Variants in PTPRK observed in about 807,000 individuals in gnomAD.
PTPRK encodes receptor-type tyrosine-protein phosphatase kappa.
A neutral mutation model predicts 178.0 loss-of-function variants in PTPRK; 75 were observed. The ratio of observed to expected loss-of-function variants is 0.42; its 90% confidence interval spans 0.35 to 0.51. The LOEUF (loss-of-function observed/expected upper bound fraction) is 0.51. PTPRK is among the 20% of genes least tolerant of loss of function. PTPRK has a pLI of 0.02. For missense variants in PTPRK, 1,441 were observed against 1,797.8 expected (o/e 0.80, Z 3.59); for synonymous variants, 637 against 620.6 (o/e 1.03, Z -0.39).
At chr6:128,194,081 ATTATT>A (rs895508231) in intron 6 of PTPRK, among the ~76,000 whole-genome samples, 4 of 146,426 alleles carry the variant, frequency 2.7e-5, no homozygotes, top group Admixed American at 6.8e-5. Context: ...TATTATTATT[ATTATT>A]ATTATTATTA....
chr6:128,150,400 A>C (rs1412899802), intron 7 of PTPRK, among the ~76,000 whole-genome samples: 1 of 152,142 alleles, frequency 6.6e-6, no homozygotes, highest in East Asian at 1.9e-4. Flanking sequence ...TATGAAACAA[A>C]CAAGTAAAAC....
At chr6:128,272,591 A>T (rs137897474) in intron 3 of PTPRK, among the ~76,000 whole-genome samples, 1 of 152,352 alleles carries the variant, frequency 6.6e-6, no homozygotes, top group East Asian at 1.9e-4. Context: ...TTATGCAGCC[A>T]ACAGACACGT....
chr6:128,263,100 G>A (rs913770935), intron 3 of PTPRK, among the ~76,000 whole-genome samples: 11 of 152,052 alleles, frequency 7.2e-5, no homozygotes, highest in Admixed American at 5.9e-4. Context: ...CCACAGGAAC[G>A]CTCCCTGGGC....
intron 5 of PTPRK, chr6:128,235,683 G>A: frequency 2.4e-6 from 1 of 419,800 alleles, no homozygotes; most frequent in South Asian, 1.7e-5. Context: ...ATGAAATCTT[G>A]TGCCATCCCT....
intron 7 of PTPRK, among the ~76,000 whole-genome samples, chr6:128,095,039 C>T (rs1199371633): frequency 1.3e-5 from 2 of 151,408 alleles, no homozygotes; most frequent in Non-Finnish European, 2.9e-5. Context: ...CAAATTCATT[C>T]ACAAGAGAGG....
At chr6:128,122,460 T>G (rs1216156433) in intron 7 of PTPRK, among the ~76,000 whole-genome samples, 1 of 152,178 alleles carries the variant, frequency 6.6e-6, no homozygotes, top group Non-Finnish European at 1.5e-5. Context: ...CAAAAGAGAC[T>G]GATAAAACTT....
At chr6:128,496,987 T>G (rs58050191) in intron 1 of PTPRK, among the ~76,000 whole-genome samples, 10,611 of 152,050 alleles carry the variant, frequency 0.07, 744 homozygotes, top group African/African-American at 0.18. Context: ...CAAACATGAG[T>G]TTACTTATAA....
At chr6:128,411,428 C>G (rs1339952610) in intron 1 of PTPRK, among the ~76,000 whole-genome samples, 1 of 152,094 alleles carries the variant, frequency 6.6e-6, no homozygotes, top group Non-Finnish European at 1.5e-5. Context: ...ACATCTTTTC[C>G]CAGAGAGAAA....
At chr6:127,980,004 T>C (rs1210166247) in intron 25 of PTPRK, among the ~76,000 whole-genome samples, 2 of 151,922 alleles carry the variant, frequency 1.3e-5, no homozygotes, top group Non-Finnish European at 2.9e-5. Flanking sequence ...TGGTGAAATC[T>C]CATCTCTACT....
chr6:128,279,506 G>T (rs1371367986), intron 3 of PTPRK, among the ~76,000 whole-genome samples: 1 of 152,144 alleles, frequency 6.6e-6, no homozygotes, highest in Non-Finnish European at 1.5e-5. Flanking sequence ...TGTTATGGCA[G>T]CAGCTACTTC....
chr6:128,274,859 C>A (rs892718590), intron 3 of PTPRK, among the ~76,000 whole-genome samples: 1 of 151,740 alleles, frequency 6.6e-6, no homozygotes, highest in Non-Finnish European at 1.5e-5. Flanking sequence ...CCTCAGCTAA[C>A]CAAAAAAACA....
chr6:128,422,289 C>A (rs535263411), intron 1 of PTPRK, among the ~76,000 whole-genome samples: 4 of 152,166 alleles, frequency 2.6e-5, no homozygotes, highest in African/African-American at 9.6e-5. Context: ...CACCTTCTCC[C>A]AACAAATATA....
At chr6:128,201,848 A>G (rs1307507507) in intron 6 of PTPRK, among the ~76,000 whole-genome samples, 1 of 152,178 alleles carries the variant, frequency 6.6e-6, no homozygotes, top group Non-Finnish European at 1.5e-5. Flanking sequence ...TTCTAGAGAC[A>G]AGATAATGAC....
chr6:128,092,639 C>G (rs890724494), intron 7 of PTPRK, among the ~76,000 whole-genome samples: 3 of 152,134 alleles, frequency 2.0e-5, no homozygotes, highest in African/African-American at 7.2e-5. Context: ...ATACTATTCA[C>G]TTAGACATGG....
rs1831252588 is a variant in PTPRK at position 128,338,611 on chromosome 6, A to G, written c.224-16301T>C. Among the ~76,000 whole-genome samples the G allele has an allele frequency of 2.0e-5, 3 of 152,154 alleles. No homozygotes were observed. In the South Asian group the frequency reaches 6.2e-4, roughly 32 times the overall value. On this transcript the variant is annotated intron_variant, in intron 2 of 29. Coordinates refer to ENST00000368226, the MANE Select transcript of PTPRK (RefSeq NM_002844.4). ...GGAGACCTACTGCTGGGTGCAGACAACATTCTCCCAACACTCAGGCTAGGT... is the reference window on the plus strand; with the variant it reads ...GGAGACCTACTGCTGGGTGCAGACAGCATTCTCCCAACACTCAGGCTAGGT...
At chr6:128,322,698 A>ATATATATAT (rs1828990161) in intron 2 of PTPRK, among the ~76,000 whole-genome samples, 1 of 151,246 alleles carries the variant, frequency 6.6e-6, no homozygotes, top group African/African-American at 2.5e-5. Flanking sequence ...ACACATACAC[A>ATATATATAT]AAAGCGATAC....
chr6:128,124,109 TC>T (rs1300404093), intron 7 of PTPRK, among the ~76,000 whole-genome samples: 1 of 151,306 alleles, frequency 6.6e-6, no homozygotes, highest in Admixed American at 6.6e-5. Flanking sequence ...AGTGGCAACA[TC>T]TCAGCTCACT....
intron 2 of PTPRK, among the ~76,000 whole-genome samples, chr6:128,354,231 G>GGTTTTTTTTT (rs1562341681): frequency 1.0e-4 from 5 of 49,356 alleles, no homozygotes; most frequent in Admixed American, 4.0e-4. Flanking sequence ...TTTTGTTTAT[G>GGTTTTTTTTT]TTTTTTTTTT....
rs984467391 is a variant in PTPRK at position 128,165,168 on chromosome 6, G to A, written c.1162+19264C>T. ...AAATCAAGGGAGAAACAAAAGAAATGACAGAAACACATGTGATGGGAAAGT... is the reference window on the plus strand; with the variant it reads ...AAATCAAGGGAGAAACAAAAGAAATAACAGAAACACATGTGATGGGAAAGT... On this transcript the variant is annotated intron_variant, in intron 7 of 29. Coordinates refer to ENST00000368226, the MANE Select transcript of PTPRK (RefSeq NM_002844.4). Among the ~76,000 whole-genome samples, 3 of 150,936 alleles carry A rather than the reference G, an allele frequency of 2.0e-5. No homozygotes were observed. The South Asian group carries it at 6.3e-4, about 31-fold the overall frequency.
Sources: gnomAD v4.1 joint callset for allele counts (sites outside exome capture counted in the v4.1 genomes callset) on GRCh38, gnomAD v4.1.1 for gene constraint, MANE v1.5 for transcripts, NCBI Gene and HGNC (gene_info 2026-07-23, HGNC 2026-07-21) for gene names.